NPIPA1: variants seen among roughly 807,000 people sequenced by gnomAD.
The protein encoded by NPIPA1 is nuclear pore complex interacting protein family member A1.
For synonymous variants in NPIPA1, 7 were observed against 88.0 expected (o/e 0.08, Z 5.15); for missense variants, 22 against 232.2 (o/e 0.09, Z 5.88).
intron 4 of NPIPA1, among the ~76,000 whole-genome samples, chr16:14,946,488 C>G (rs1307130299): frequency 6.6e-6 from 1 of 151,356 alleles, no homozygotes; most frequent in Non-Finnish European, 1.5e-5. Context: ...TCCCAAAGTG[C>G]TGGGATTAGA....
At chr16:14,938,912 G>C (rs1202971291) in intron 1 of NPIPA1, among the ~76,000 whole-genome samples, 35 of 147,156 alleles carry the variant, frequency 2.4e-4, no homozygotes, top group African/African-American at 8.0e-4. Context: ...TTTTAGTAGA[G>C]ACTGGGTTTC....
chr16:14,940,255 A>G (rs1965716078), intron 1 of NPIPA1, among the ~76,000 whole-genome samples: 1 of 73,744 alleles, frequency 1.4e-5, no homozygotes, highest in Non-Finnish European at 2.8e-5. Context: ...TAATCTCTTC[A>G]TTGTATTTTT....
chr16:14,946,468 C>T (rs1180371244), intron 4 of NPIPA1, among the ~76,000 whole-genome samples: 59 of 151,210 alleles, frequency 3.9e-4, no homozygotes, highest in Admixed American at 1.0e-3. Flanking sequence ...GTAATCCACC[C>T]GCCTCAGCCT....
chr16:14,941,119 C>T (rs1257382597), intron 1 of NPIPA1, among the ~76,000 whole-genome samples: 2 of 151,738 alleles, frequency 1.3e-5, no homozygotes, highest in Admixed American at 6.6e-5. Context: ...CAGAGTGAGA[C>T]CCCATCTCAA....
intron 1 of NPIPA1, among the ~76,000 whole-genome samples, chr16:14,938,829 C>G (rs1965687684): frequency 6.6e-6 from 1 of 151,716 alleles, no homozygotes; most frequent in Admixed American, 6.6e-5. Context: ...ACCTCCGCTT[C>G]CGGGGTTCAA....
intron 2 of NPIPA1, among the ~76,000 whole-genome samples, chr16:14,944,001 T>C (rs1157362212): frequency 6.6e-6 from 1 of 152,064 alleles, no homozygotes; most frequent in African/African-American, 2.4e-5. Context: ...AGACAAAAAT[T>C]AGCCAGGCAT....
Position 14,941,453 on chromosome 16 carries a change from A to G in NPIPA1, c.64-359A>G, listed in dbSNP as rs866816567. The G allele has an allele frequency of 3.7e-3, 965 of 264,308 alleles. 2 individuals are homozygous for G. The highest frequency in any genetic ancestry group is 0.02 in the African/African-American group (832 of 42,166). The allele number at this position is 264,308 out of a possible 1,614,324, so 16.4% of individuals were successfully genotyped here. Reference sequence around the variant, plus strand: ...GAACTCTGTCTCAAAAAAAAAAAAAAAAAAATTTTTTTTTTTAGATCATCA... The same window carrying G: ...GAACTCTGTCTCAAAAAAAAAAAAAGAAAAATTTTTTTTTTTAGATCATCA... On this transcript the variant is annotated intron_variant, in intron 1 of 7. Transcript: ENST00000328085.
intron 7 of NPIPA1, chr16:14,950,890 A>G: frequency 4.8e-6 from 1 of 208,708 alleles, no homozygotes; most frequent in East Asian, 1.2e-4. Flanking sequence ...ACATCTCTCC[A>G]GAGCTCTTTG....
At chr16:14,946,956 G>A (rs1306209488) in intron 4 of NPIPA1, among the ~76,000 whole-genome samples, 3 of 152,082 alleles carry the variant, frequency 2.0e-5, no homozygotes, top group African/African-American at 7.2e-5. Flanking sequence ...GCCTCCCAAT[G>A]TGCTGGGATT....
intron 2 of NPIPA1, among the ~76,000 whole-genome samples, chr16:14,945,121 G>C: frequency 6.7e-6 from 1 of 149,126 alleles, no homozygotes; most frequent in Non-Finnish European, 1.5e-5. Flanking sequence ...ATGTTGGTGA[G>C]GCTGGTCTCA....
chr16:14,947,704 TTC>T (rs1464693918), intron 4 of NPIPA1, among the ~76,000 whole-genome samples: 2 of 152,194 alleles, frequency 1.3e-5, no homozygotes, highest in Non-Finnish European at 2.9e-5. Context: ...GGGTTTTATA[TTC>T]TGTTTGGTGT....
intron 2 of NPIPA1, among the ~76,000 whole-genome samples, chr16:14,945,162 C>T (rs1241016660): frequency 1.3e-5 from 2 of 150,936 alleles, no homozygotes; most frequent in Non-Finnish European, 2.9e-5. Flanking sequence ...CCGCCTGCCT[C>T]GGCCTCCCAA....
chr16:14,938,881 A>ACCC (rs1227933685), intron 1 of NPIPA1, among the ~76,000 whole-genome samples: 1 of 149,368 alleles, frequency 6.7e-6, no homozygotes, highest in Non-Finnish European at 1.5e-5. Flanking sequence ...TCAGATTACA[A>ACCC]CGCCTGGCTA....
At position 14,945,212 on chromosome 16, in the gene NPIPA1, A is replaced by T. The variant is rs1266363700; in HGVS notation, c.193-362A>T. 1.4e-5 allele frequency among the ~76,000 whole-genome samples: 2 copies of T among 142,538 alleles called. 1 individual carries two copies. 93.5% of individuals were successfully genotyped at this position (142,538 alleles called of 152,430 possible). The stretch of plus-strand genomic sequence containing the variant: ...AGGAGTGAGCCACCATGCCAGCCTC[A>T]TGTCATTCTTGTGTGGTGTGTGTGT... On this transcript the variant is annotated intron_variant, in intron 2 of 7. Coordinates refer to ENST00000328085, the MANE Select transcript of NPIPA1 (RefSeq NM_006985.4).
intron 4 of NPIPA1, among the ~76,000 whole-genome samples, chr16:14,946,688 A>ATTT (rs57059259): frequency 1.7e-4 from 15 of 89,954 alleles, no homozygotes; most frequent in Admixed American, 2.8e-4. Flanking sequence ...CATTCGGCCA[A>ATTT]TTTTTTTTTT....
At chr16:14,937,959 C>A (rs1373144629) in intron 1 of NPIPA1, among the ~76,000 whole-genome samples, 42 of 146,934 alleles carry the variant, frequency 2.9e-4, no homozygotes, top group Non-Finnish European at 5.2e-4. Context: ...AAACCTTCCA[C>A]CAGCGCTTGA....
intron 2 of NPIPA1, among the ~76,000 whole-genome samples, chr16:14,942,463 G>A (rs1416361461): frequency 6.6e-6 from 1 of 152,210 alleles, no homozygotes; most frequent in African/African-American, 2.4e-5. Flanking sequence ...GAGGGAGATA[G>A]ATGGAGATGT....
At chr16:14,943,174 C>A (rs1362275844) in intron 2 of NPIPA1, among the ~76,000 whole-genome samples, 1 of 152,116 alleles carries the variant, frequency 6.6e-6, no homozygotes, top group South Asian at 2.1e-4. Flanking sequence ...TTTCTCACCC[C>A]CAAAAGGAGT....
At chr16:14,944,872 G>A (rs879595993) in intron 2 of NPIPA1, among the ~76,000 whole-genome samples, 12 of 151,158 alleles carry the variant, frequency 7.9e-5, no homozygotes, top group African/African-American at 1.2e-4. Flanking sequence ...CCAAAGTGCT[G>A]GGATTACAGG....
Sources: gnomAD v4.1 joint callset for allele counts (sites outside exome capture counted in the v4.1 genomes callset) on GRCh38, gnomAD v4.1.1 for gene constraint, MANE v1.5 for transcripts, NCBI Gene and HGNC (gene_info 2026-07-23, HGNC 2026-07-21) for gene names.